C20orf96: variants seen among roughly 807,000 people sequenced by gnomAD.
C20orf96 encodes uncharacterized protein C20orf96.
C20orf96 carries 57 observed loss-of-function variants against 52.6 expected under a neutral mutation model. The ratio of observed to expected loss-of-function variants is 1.08; its 90% CI spans 0.88 to 1.35. The LOEUF is 1.35. Ranked by LOEUF, C20orf96 falls within the 40% of genes most tolerant of loss-of-function variation. The pLI, the probability that C20orf96 is intolerant of heterozygous loss-of-function variation, is 0.00. For missense variants in C20orf96, 478 were observed against 443.6 expected, an observed-to-expected ratio of 1.08 and a Z score of -0.70; for synonymous variants, 168 against 157.2, an observed-to-expected ratio of 1.07 and a Z score of -0.51.
intron 6 of C20orf96, 37 bp downstream of exon 6, chr20:278,293 A>AG (rs1384371545): frequency 6.7e-7 from 1 of 1,494,754 alleles, no homozygotes; most frequent in Admixed American, 1.7e-5. Context: ...CCAAGGTGCC[A>AG]GGGGGGAGGG....
Position 287,201 on chromosome 20 carries a change from G to A in C20orf96, c.187+2358C>T, listed in dbSNP as rs8118777. 8.8e-3 allele frequency among the ~76,000 whole-genome samples: 1,336 copies of A among 152,340 alleles called. 16 individuals carry two copies. The highest frequency in any genetic ancestry group is 0.03 in the African/African-American group (1,261 of 41,570). The stretch of plus-strand genomic sequence containing the variant: ...GCCCAAGAGTAAAACTGCTGGGTCG[G>A]ATTACTAGGAAGTGCATGTTTCATG... On this transcript the variant is annotated intron_variant, in intron 3 of 10. Coordinates refer to ENST00000360321, the MANE Select transcript of C20orf96 (RefSeq NM_153269.3).
At chr20:282,480 C>T (rs1199924158) in intron 4 of C20orf96, among the ~76,000 whole-genome samples, 2 of 152,162 alleles carry the variant, frequency 1.3e-5, no homozygotes, top group Non-Finnish European at 2.9e-5. Flanking sequence ...GTATTAAGAA[C>T]TGGACTGGTT....
intron 10 of C20orf96, among the ~76,000 whole-genome samples, chr20:274,670 C>T: frequency 6.6e-6 from 1 of 152,176 alleles, no homozygotes; most frequent in Non-Finnish European, 1.5e-5. Context: ...AATTGCTCTT[C>T]CTTCAGCTCC....
chr20:284,522 T>A (rs1458381476), intron 3 of C20orf96, among the ~76,000 whole-genome samples: 1 of 152,106 alleles, frequency 6.6e-6, no homozygotes, highest in African/African-American at 2.4e-5. Context: ...GGGGTAGGGG[T>A]TAAGAGCAAG....
intron 10 of C20orf96, among the ~76,000 whole-genome samples, chr20:274,807 T>A (rs922478571): frequency 1.7e-4 from 25 of 144,544 alleles, no homozygotes; most frequent in African/African-American, 6.0e-4. Context: ...TTCTTTTTTC[T>A]TTTTTTTTTA....
chr20:289,499 A>C, intron 3 of C20orf96, 60 bp downstream of exon 3: 1 of 1,142,186 alleles, frequency 8.8e-7, no homozygotes, highest in South Asian at 1.2e-5. Context: ...CCAAGAGCCA[A>C]AAGCAGCCAC....
intron 5 of C20orf96, among the ~76,000 whole-genome samples, chr20:278,795 G>T (rs555048945): frequency 6.8e-6 from 1 of 146,628 alleles, no homozygotes; most frequent in Non-Finnish European, 1.5e-5. Flanking sequence ...GTGCTGGCGC[G>T]CTGGGATGAA....
rs116994774 is a variant in C20orf96, at chr20:285,376, C to T, written c.188-1295G>A. On this transcript the variant is annotated intron_variant, in intron 3 of 10. Coordinates refer to ENST00000360321, the MANE Select transcript of C20orf96 (RefSeq NM_153269.3). ...CAACCCAGCTCATCTGGGAGAGATACTAATCTCTTTAATAGATCAATGTCC... is the reference window on the plus strand; with the variant it reads ...CAACCCAGCTCATCTGGGAGAGATATTAATCTCTTTAATAGATCAATGTCC... 5.8e-3 allele frequency among the ~76,000 whole-genome samples: 884 copies of T among 152,314 alleles called. 5 individuals carry two copies. Among genetic ancestry groups the T allele is most frequent in the Non-Finnish European group, 6.6e-3 (447 of 68,040 alleles).
intron 4 of C20orf96, among the ~76,000 whole-genome samples, chr20:281,701 G>A (rs974608945): frequency 2.0e-5 from 3 of 152,258 alleles, no homozygotes; most frequent in Non-Finnish European, 4.4e-5. Flanking sequence ...GACAGCAGTC[G>A]GGCACAGTGG....
chr20:275,917 T>G, intron 10 of C20orf96, 51 bp downstream of exon 10: 55 of 1,537,606 alleles, frequency 3.6e-5, no homozygotes, highest in Non-Finnish European at 4.2e-5. Flanking sequence ...AGAGCCTCCG[T>G]GAGCTCAGAG....
chr20:278,559 C>T, intron 5 of C20orf96, 130 bp from the exon 6 acceptor site: 1 of 714,654 alleles, frequency 1.4e-6, no homozygotes, highest in East Asian at 2.5e-5. Context: ...CTAATCGGGA[C>T]AGTAACAGTG....
intron 4 of C20orf96, among the ~76,000 whole-genome samples, chr20:280,695 T>C (rs2012231589): frequency 6.6e-6 from 1 of 152,214 alleles, no homozygotes; most frequent in Admixed American, 6.5e-5. Context: ...AACCACGTAG[T>C]GACTAAGACT....
chr20:273,321 A>C (rs940087109), intron 10 of C20orf96, among the ~76,000 whole-genome samples: 1 of 152,184 alleles, frequency 6.6e-6, no homozygotes, highest in Non-Finnish European at 1.5e-5. Context: ...AAATCTGATC[A>C]TGTGGCTTAA....
rs555547081 is a variant in C20orf96, at chr20:279,686, T to TA, written c.307-357dup. Among the ~76,000 whole-genome samples the TA allele has an allele frequency of 2.6e-5, 4 of 152,184 alleles. No individual in the cohort carries two copies. In the South Asian group the frequency reaches 6.2e-4, roughly 24 times the overall value. On this transcript the variant is annotated intron_variant, in intron 4 of 10. Transcript: ENST00000360321. ...AATCAATGAAATATAGAAATAATAG[T>TA]AAGGGCCGGGCGGGGTGGCTCACGT...
chr20:272,638 G>A (rs915386693), intron 10 of C20orf96, among the ~76,000 whole-genome samples: 2 of 152,118 alleles, frequency 1.3e-5, no homozygotes, highest in East Asian at 3.9e-4. Context: ...TTACAGGTGT[G>A]AGCCACCATG....
chr20:272,660 A>G (rs80082620), intron 10 of C20orf96, among the ~76,000 whole-genome samples: 5,177 of 151,938 alleles, frequency 0.034, 179 homozygotes, highest in African/African-American at 0.091. Context: ...CTGCCTCCAA[A>G]TAAACTTTTT....
intron 10 of C20orf96, among the ~76,000 whole-genome samples, chr20:273,986 CAGAG>C (rs1173221478): frequency 1.8e-4 from 22 of 125,712 alleles, no homozygotes; most frequent in East Asian, 1.4e-3. Flanking sequence ...AAGAGAAAGA[CAGAG>C]AGAGAAAGAA....
At chr20:290,431 G>A in intron 1 of C20orf96, 124 bp from the exon 2 acceptor site, 1 of 1,543,360 alleles carries the variant, frequency 6.5e-7, no homozygotes, top group Non-Finnish European at 8.8e-7. Context: ...CAATAGCCCC[G>A]CGGGAGTGGG....
At position 278,398 on chromosome 20, in the gene C20orf96, T is replaced by C; in HGVS notation, c.497A>G (p.Lys166Arg). ...AGATTTCAATTGCTGCAGCCTCTTC[T>C]TGTTTGAGTACTCCAAGATGTCGAT... is the stretch of plus-strand genomic sequence containing the variant. ...TIIDILEYSNKKRLQQLKSEL... is the reference protein window; with the variant it reads ...TIIDILEYSNRKRLQQLKSEL... The change falls in exon 6 of 11, where the codon AAG becomes AGG. Residue 166 changes from lysine to arginine, a missense_variant. Lys to Arg is a conservative substitution (Grantham distance 26). Coordinates refer to ENST00000360321, the MANE Select transcript of C20orf96 (RefSeq NM_153269.3). 3 of 1,613,942 alleles carry C rather than the reference T, an allele frequency of 1.9e-6. No homozygotes were observed. The highest frequency in any genetic ancestry group is 1.6e-4 in the Middle Eastern group (1 of 6,062).
Sources: allele counts gnomAD v4.1 joint callset (sites outside exome capture counted in the v4.1 genomes callset), GRCh38; gene constraint gnomAD v4.1.1; transcripts MANE v1.5; gene names NCBI Gene and HGNC (gene_info 2026-07-23, HGNC 2026-07-21).